The following KLHL13 variants were observed in gnomAD, a reference collection of about 807,000 sequenced individuals.
KLHL13 encodes kelch-like protein 13.
In KLHL13, 10 loss-of-function variants were observed where a neutral mutation model predicts 37.1. The ratio of observed to expected loss-of-function variants is 0.27; its 90% CI spans 0.17 to 0.46. The LOEUF is 0.46. KLHL13 is among the 20% of genes least tolerant of loss of function. The pLI is 1.00. For missense variants in KLHL13, 360 were observed against 509.3 expected (o/e 0.71, Z 2.82); for synonymous variants, 163 against 181.2 (o/e 0.90, Z 0.81).
chrX:118,005,084 A>G (rs781290872), intron 1 of KLHL13, among the ~76,000 whole-genome samples: 1 of 111,956 alleles, frequency 8.9e-6, no homozygotes, highest in African/African-American at 3.2e-5. Flanking sequence ...TCTGCTGTCA[A>G]TAACACTTTT....
At chrX:118,049,844 C>T (rs897206621) in intron 1 of KLHL13, among the ~76,000 whole-genome samples, 10 of 111,579 alleles carry the variant, frequency 9.0e-5, no homozygotes, top group Non-Finnish European at 3.8e-5. Flanking sequence ...TCCCATGTTT[C>T]TTAGGTTTCT....
chrX:117,926,885 C>CTTCTT (rs1932060236), intron 2 of KLHL13, among the ~76,000 whole-genome samples: 1 of 26,155 alleles, frequency 3.8e-5, no homozygotes, highest in African/African-American at 1.1e-4. Context: ...CCCCCTACTT[C>CTTCTT]TTTTTTTTTT....
At chrX:118,013,388 A>G (rs2054091731) in intron 1 of KLHL13, among the ~76,000 whole-genome samples, 1 of 112,103 alleles carries the variant, frequency 8.9e-6, no homozygotes, top group Admixed American at 9.5e-5. Flanking sequence ...AACAGTACAA[A>G]GGCCTTTCAG....
chrX:117,976,144 T>C (rs1197559754), upstream of KLHL13, among the ~76,000 whole-genome samples: 2 of 111,294 alleles, frequency 1.8e-5, no homozygotes, highest in Non-Finnish European at 3.8e-5. Context: ...CTACACCCCA[T>C]CCTCAGCACT....
chrX:117,906,113 G>T (rs1930514931), intron 5 of KLHL13, among the ~76,000 whole-genome samples: 1 of 111,360 alleles, frequency 9.0e-6, no homozygotes, highest in Non-Finnish European at 1.9e-5. Flanking sequence ...AACTTAATCA[G>T]TTACAATGGG....
At chrX:118,104,026 C>A (rs2055317685) in intron 1 of KLHL13, among the ~76,000 whole-genome samples, 1 of 80,107 alleles carries the variant, frequency 1.2e-5, no homozygotes, top group African/African-American at 5.0e-5. Context: ...GCCTGGGCAA[C>A]ATACCGAGGC....
At chrX:118,015,341 AT>A (rs1308757658) in intron 1 of KLHL13, among the ~76,000 whole-genome samples, 106 of 111,689 alleles carry the variant, frequency 9.5e-4, no homozygotes, top group Non-Finnish European at 1.6e-3. Context: ...ATAATTTTCT[AT>A]TTTTCTAAGT....
At chrX:117,976,175 A>G (rs1446628696), upstream of KLHL13, among the ~76,000 whole-genome samples, 2 of 111,681 alleles carry the variant, frequency 1.8e-5, no homozygotes, top group Non-Finnish European at 3.8e-5. Context: ...TAAAACCCTA[A>G]AAGCATTATA....
intron 1 of KLHL13, among the ~76,000 whole-genome samples, chrX:118,004,842 T>C (rs758625081): frequency 3.3e-4 from 37 of 111,391 alleles, no homozygotes; most frequent in African/African-American, 1.2e-3. Context: ...TAGGATGCAA[T>C]GAGAAGATCA....
At chrX:118,072,352 T>C (rs1266643143) in intron 1 of KLHL13, among the ~76,000 whole-genome samples, 1 of 113,287 alleles carries the variant, frequency 8.8e-6, no homozygotes, top group Non-Finnish European at 1.9e-5. Context: ...AAAACTTAAA[T>C]GTTAGACCTA....
chrX:117,920,203 T>G, intron 3 of KLHL13, 35 bp downstream of exon 4: 3 of 1,176,162 alleles, frequency 2.6e-6, no homozygotes, highest in Non-Finnish European at 3.4e-6. Flanking sequence ...TCATATTGTT[T>G]TAATGTGGTT....
At chrX:117,963,395 C>G (rs895237137) in intron 1 of KLHL13, among the ~76,000 whole-genome samples, 19 of 111,878 alleles carry the variant, frequency 1.7e-4, no homozygotes, top group Non-Finnish European at 2.8e-4. Context: ...AGCACACAAA[C>G]AGTAAATTAT....
In KLHL13 at chrX:117,956,586, T is replaced by TA. The variant is rs2053208971; in HGVS notation, c.99-11012dup. Reference sequence around the variant, plus strand: ...AATTATGAAGTAGTAATGAAGTACTTACCTTAATCTGTGTGAGATAAATGA... The same window carrying TA: ...AATTATGAAGTAGTAATGAAGTACTTAACCTTAATCTGTGTGAGATAAATGA... On this transcript the variant is annotated intron_variant, in intron 1 of 6. Transcript: ENST00000262820. Among the ~76,000 whole-genome samples, 10 of 112,517 alleles carry TA rather than the reference T, an allele frequency of 8.9e-5. No individual in the cohort carries two copies. In the South Asian group the frequency reaches 3.7e-3, roughly 41 times the overall value.
chrX:118,024,784 A>G (rs1438100027), intron 1 of KLHL13, among the ~76,000 whole-genome samples: 1 of 111,963 alleles, frequency 8.9e-6, no homozygotes, highest in Non-Finnish European at 1.9e-5. Flanking sequence ...ATAAAATGGT[A>G]CAACTATTTT....
intron 1 of KLHL13, among the ~76,000 whole-genome samples, chrX:117,964,862 T>A (rs2053388381): frequency 9.0e-6 from 1 of 111,116 alleles, no homozygotes; most frequent in Non-Finnish European, 1.9e-5. Flanking sequence ...CTTGTGATAG[T>A]TTGCTGAGAA....
intron 1 of KLHL13, among the ~76,000 whole-genome samples, chrX:118,077,466 G>A (rs890692861): frequency 3.7e-5 from 4 of 109,204 alleles, no homozygotes; most frequent in East Asian, 2.9e-4. Flanking sequence ...GACCAGGGAC[G>A]TAGGGGGTGC....
intron 1 of KLHL13, among the ~76,000 whole-genome samples, chrX:118,038,849 C>T (rs1233061096): frequency 1.8e-5 from 2 of 111,324 alleles, no homozygotes; most frequent in Admixed American, 1.9e-4. Context: ...TTGCATCAGC[C>T]CTCCCATAAC....
intron 2 of KLHL13, among the ~76,000 whole-genome samples, chrX:117,930,117 A>T (rs28520497): frequency 0.028 from 2,997 of 108,936 alleles, 126 homozygotes; most frequent in African/African-American, 0.094. Context: ...GTAAGGAAAA[A>T]AAAGGCATCA....
chrX:118,094,929 C>A (rs1168820278), intron 1 of KLHL13, among the ~76,000 whole-genome samples: 1 of 111,727 alleles, frequency 9.0e-6, no homozygotes, highest in Non-Finnish European at 1.9e-5. Context: ...CCAGCCACTG[C>A]AAAAACATGC....
Sources: gnomAD v4.1 joint callset for allele counts (sites outside exome capture counted in the v4.1 genomes callset) on GRCh38, gnomAD v4.1.1 for gene constraint, MANE v1.5 for transcripts, NCBI Gene and HGNC (gene_info 2026-07-23, HGNC 2026-07-21) for gene names.